Variants in TSHZ3 observed in about 807,000 individuals in gnomAD.
TSHZ3 encodes the protein teashirt homolog 3.
Under a neutral mutation model 64.5 loss-of-function variants are expected in TSHZ3, and 10 were observed. That is an observed-to-expected ratio of 0.16 (90% CI 0.10 to 0.26). The LOEUF is 0.26. TSHZ3 is among the 10% of genes least tolerant of loss of function. TSHZ3 has a pLI of 1.00. For missense variants in TSHZ3, 1,242 were observed against 1,421.7 expected, an observed-to-expected ratio of 0.87 and a Z score of 2.03; for synonymous variants, 608 against 593.1, an observed-to-expected ratio of 1.03 and a Z score of -0.36.
At chr19:31,349,930 T>G (rs2021659612), upstream of TSHZ3, among the ~76,000 whole-genome samples, 1 of 135,756 alleles carries the variant, frequency 7.4e-6, no homozygotes, top group East Asian at 2.6e-4. Context: ...CAGGCCCGCG[T>G]GGGACCCCCG....
At chr19:31,333,316 A>T (rs962551733) in intron 1 of TSHZ3, among the ~76,000 whole-genome samples, 1 of 152,034 alleles carries the variant, frequency 6.6e-6, no homozygotes, top group African/African-American at 2.4e-5. Flanking sequence ...GACCAAGGAC[A>T]TGCGAGCCCC....
chr19:31,320,209 T>C (rs963452798), intron 1 of TSHZ3, among the ~76,000 whole-genome samples: 1 of 152,116 alleles, frequency 6.6e-6, no homozygotes, highest in Non-Finnish European at 1.5e-5. Flanking sequence ...TCTCCACCGC[T>C]CAGGCAGGCG....
chr19:31,322,445 A>G (rs1174836078), intron 1 of TSHZ3, among the ~76,000 whole-genome samples: 1 of 151,712 alleles, frequency 6.6e-6, no homozygotes, highest in East Asian at 1.9e-4. Flanking sequence ...TTTAGAGACT[A>G]GGTCTCACTC....
rs114985254 is a variant in TSHZ3 at position 31,158,987 on chromosome 19, C to T, written n.810-2570G>A. On this transcript the variant is annotated intron_variant and non_coding_transcript_variant, in intron 5 of 6. Transcript: ENST00000651361. ...CCACTCTCGCTTTCTCTTATGCCTCCCTCTTCTACGTTTGTTTGTTTGTTT... is the reference window on the plus strand; with the variant it reads ...CCACTCTCGCTTTCTCTTATGCCTCTCTCTTCTACGTTTGTTTGTTTGTTT... Among the ~76,000 whole-genome samples the T allele has an allele frequency of 1.4e-3, 207 of 152,034 alleles. 1 individual carries two copies. The highest frequency in any genetic ancestry group is 4.5e-3 in the African/African-American group (188 of 41,368).
intron 4 of TSHZ3, among the ~76,000 whole-genome samples, chr19:31,225,944 T>C (rs982330908): frequency 2.0e-5 from 3 of 152,014 alleles, no homozygotes; most frequent in Non-Finnish European, 4.4e-5. Flanking sequence ...CTGGCTAACA[T>C]GGTGAAACCC....
chr19:31,190,510 G>A (rs540713140), intron 5 of TSHZ3, among the ~76,000 whole-genome samples: 207 of 152,070 alleles, frequency 1.4e-3, no homozygotes, highest in Non-Finnish European at 2.2e-3. Flanking sequence ...CTCTAACAAA[G>A]CCTAAAAACA....
rs569176936 is a variant in TSHZ3, at chr19:31,171,622, A to C, written n.810-15205T>G. Among the ~76,000 whole-genome samples, 101 of 151,662 alleles carry C rather than the reference A, an allele frequency of 6.7e-4. No individual in the cohort carries two copies. The South Asian group carries it at 0.019, about 28-fold the overall frequency. ...GTTTATTCAAAAAAGAAAAAAAAAA[A>C]CCCATAAACCTCAGTTCTATGGGAC... On this transcript the variant is annotated intron_variant and non_coding_transcript_variant, in intron 5 of 6. Transcript: ENST00000651361.
intron 5 of TSHZ3, among the ~76,000 whole-genome samples, chr19:31,184,766 T>A (rs1041646275): frequency 3.3e-5 from 5 of 152,192 alleles, no homozygotes; most frequent in African/African-American, 1.2e-4. Context: ...GTTTCCTCGA[T>A]GTGAATGAAT....
chr19:31,160,377 G>A (rs964309243), intron 5 of TSHZ3, among the ~76,000 whole-genome samples: 4 of 152,162 alleles, frequency 2.6e-5, no homozygotes, highest in Admixed American at 6.5e-5. Flanking sequence ...CCTCTGCCAA[G>A]AAACTACAAA....
At chr19:31,260,945 C>T (rs575205549) in intron 1 of TSHZ3, among the ~76,000 whole-genome samples, 4 of 152,294 alleles carry the variant, frequency 2.6e-5, no homozygotes, top group African/African-American at 9.6e-5. Flanking sequence ...GTGTGCCAAG[C>T]ACTGTGCCGG....
intron 1 of TSHZ3, among the ~76,000 whole-genome samples, chr19:31,269,178 C>T (rs1197228595): frequency 3.9e-5 from 6 of 152,186 alleles, no homozygotes; most frequent in South Asian, 2.1e-4. Context: ...TTTCATTAGG[C>T]GGCTGCTTCT....
intron 1 of TSHZ3, chr19:31,348,786 G>A (rs1383595239): frequency 1.0e-5 from 2 of 200,856 alleles, no homozygotes; most frequent in Non-Finnish European, 2.0e-5. Flanking sequence ...ACACCAGGCA[G>A]TCCCCCGGCG....
At chr19:31,340,338 C>CAAAAAAAA (rs1160334453) in intron 1 of TSHZ3, among the ~76,000 whole-genome samples, 2,076 of 32,748 alleles carry the variant, frequency 0.063, 470 homozygotes, top group South Asian at 0.084. Flanking sequence ...GCCTACAGTA[C>CAAAAAAAA]AAAAAAAAAA....
intron 1 of TSHZ3, among the ~76,000 whole-genome samples, chr19:31,331,522 A>C (rs1370841842): frequency 6.6e-6 from 1 of 152,166 alleles, no homozygotes; most frequent in African/African-American, 2.4e-5. Flanking sequence ...TGTGCCCTGA[A>C]ACTTCCCAAC....
Position 31,227,559 on chromosome 19 carries a change from C to T in TSHZ3, n.686+446G>A, listed in dbSNP as rs369264693. Reference sequence around the variant, plus strand: ...ACAGTGAAAGCACAGCTTACAGCAACAGAAGGGGGAAGAAAGAGAGGATGG... The same window carrying T: ...ACAGTGAAAGCACAGCTTACAGCAATAGAAGGGGGAAGAAAGAGAGGATGG... On this transcript the variant is annotated intron_variant and non_coding_transcript_variant, in intron 4 of 6. Coordinates refer to the TSHZ3 transcript ENST00000651361. Among the ~76,000 whole-genome samples, 257 of 152,264 alleles carry T rather than the reference C, an allele frequency of 1.7e-3. 1 individual carries two copies. The highest frequency in any genetic ancestry group is 0.011 in the South Asian group (53 of 4,822).
chr19:31,203,662 G>T (rs921222273), intron 5 of TSHZ3, among the ~76,000 whole-genome samples: 1 of 152,080 alleles, frequency 6.6e-6, no homozygotes, highest in Non-Finnish European at 1.5e-5. Context: ...GGAGAAAGCA[G>T]CAGGATCTCC....
rs768599058 is a variant in TSHZ3 at position 31,277,914 on chromosome 19, T to C, written c.1879A>G (p.Lys627Glu). 26 of 1,614,128 alleles carry C rather than the reference T, an allele frequency of 1.6e-5. No individual in the cohort carries two copies. Among genetic ancestry groups the C allele is most frequent in the Non-Finnish European group, 2.1e-5 (25 of 1,180,010 alleles). ...VTEKVAKVEEKMKEPDGKLSP... is the reference protein window; with the variant it reads ...VTEKVAKVEEEMKEPDGKLSP... Reference sequence around the variant, plus strand: ...AGCTTCCCATCCGGCTCCTTCATCTTCTCCTCCACTTTGGCAACTTTCTCA... The same window carrying C: ...AGCTTCCCATCCGGCTCCTTCATCTCCTCCTCCACTTTGGCAACTTTCTCA... The change falls in exon 2 of 2, where the codon AAG (lysine) becomes GAG (glutamate). Residue 627 changes from lysine to glutamate, a missense_variant. Transcript: ENST00000240587. This position sits in a 1 kb window ranked among gnomAD's most constrained non-coding sequence, Gnocchi z 4.5.
chr19:31,282,971 G>C (rs749410726), intron 1 of TSHZ3, among the ~76,000 whole-genome samples: 1 of 152,176 alleles, frequency 6.6e-6, no homozygotes, highest in Non-Finnish European at 1.5e-5. Flanking sequence ...TTTCCGATCT[G>C]AAGGTGAGAA....
chr19:31,253,674 T>C lies in TSHZ3; in HGVS notation n.64-10799A>G, dbSNP rs1183052138. Among the ~76,000 whole-genome samples, 3 of 152,146 alleles carry C rather than the reference T, an allele frequency of 2.0e-5. No homozygotes were observed. In the East Asian group the frequency reaches 5.8e-4, roughly 29 times the overall value. The stretch of plus-strand genomic sequence containing the variant: ...ATTGCACCCAGCTGCAAAATGATCA[T>C]ATATGTAAAAAGCAATAGTCTGTGC... On this transcript the variant is annotated intron_variant and non_coding_transcript_variant, in intron 1 of 6. Transcript: ENST00000651361.
Sources: gnomAD v4.1 joint callset for allele counts (sites outside exome capture counted in the v4.1 genomes callset) on GRCh38, gnomAD v4.1.1 for gene constraint, Gnocchi (gnomAD v3.1) non-coding constraint, MANE v1.5 for transcripts, NCBI Gene and HGNC (gene_info 2026-07-23, HGNC 2026-07-21) for gene names.